NRDC: variants seen among roughly 807,000 people sequenced by gnomAD.
The protein encoded by NRDC is nardilysin.
Under a neutral mutation model 147.1 loss-of-function variants are expected in NRDC, and 54 were observed. The ratio of observed to expected loss-of-function variants is 0.37; its 90% CI spans 0.29 to 0.46. The LOEUF (loss-of-function observed/expected upper bound fraction) is 0.46. Among genes scored for constraint, NRDC ranks in the 20% least tolerant of loss-of-function variants. The pLI, the probability that NRDC is intolerant of heterozygous loss-of-function variation, is 1.00. For missense variants in NRDC, 1,082 were observed against 1,370.6 expected, an observed-to-expected ratio of 0.79 and a Z score of 3.33; for synonymous variants, 440 against 482.1, an observed-to-expected ratio of 0.91 and a Z score of 1.14.
intron 21 of NRDC, among the ~76,000 whole-genome samples, chr1:51,799,854 G>A (rs1679105428): frequency 6.6e-6 from 1 of 152,184 alleles, no homozygotes; most frequent in African/African-American, 2.4e-5. Context: ...GCTCTCTTCT[G>A]GAAGCTTGGC....
In NRDC at chr1:51,821,189, C is replaced by T. The variant is rs560169659; in HGVS notation, c.1217+309G>A. ...GATGTAAGTGTGCATATTCTTCTGC[C>T]TCTCATATAGTATTTTCTTTCGTAT... On this transcript the variant is annotated intron_variant, in intron 8 of 30. Coordinates refer to ENST00000352171, the MANE Select transcript of NRDC (RefSeq NM_001101662.2). 3.3e-5 allele frequency among the ~76,000 whole-genome samples: 5 copies of T among 152,098 alleles called. No homozygotes were observed. The East Asian group carries it at 9.6e-4, about 29-fold the overall frequency.
intron 2 of NRDC, chr1:51,837,682 T>C (rs2149220865): frequency 2.2e-6 from 3 of 1,342,684 alleles, no homozygotes; most frequent in Middle Eastern, 4.8e-4. Flanking sequence ...GAGAAATTCA[T>C]ACTTGAGAAC....
intron 4 of NRDC, among the ~76,000 whole-genome samples, chr1:51,831,754 T>C (rs933413613): frequency 4.0e-5 from 6 of 151,818 alleles, no homozygotes; most frequent in Non-Finnish European, 7.4e-5. Context: ...AATTTTTGTA[T>C]TTTTAGTAGA....
Position 51,814,093 on chromosome 1 carries a change from T to C in NRDC, c.1620-4A>G. The C allele has an allele frequency of 6.3e-7, 1 of 1,576,598 alleles. No homozygotes were observed. Among genetic ancestry groups the C allele is most frequent in the Non-Finnish European group, 8.7e-7 (1 of 1,146,276 alleles). ...TTTCCGAATCTCTTCAAAAATTCTG[T>C]GAAGGAGAAAACTATAATTAGAAGA... On this transcript the variant is annotated splice_region_variant and splice_polypyrimidine_tract_variant and intron_variant, in intron 13 of 30. Coordinates refer to ENST00000352171, the MANE Select transcript of NRDC (RefSeq NM_001101662.2).
chr1:51,809,263 G>T, intron 17 of NRDC, 52 bp downstream of exon 17: 1 of 1,073,194 alleles, frequency 9.3e-7, no homozygotes. Flanking sequence ...TGCTATACAG[G>T]TGCCTATTAG....
At chr1:51,817,947 C>T (rs1167139402) in intron 10 of NRDC, 119 bp downstream of exon 10, 2 of 695,258 alleles carry the variant, frequency 2.9e-6, no homozygotes, top group Non-Finnish European at 4.8e-6. Flanking sequence ...TAATCAAGTT[C>T]CAGGTTACCG....
chr1:51,819,852 A>G lies in NRDC; in HGVS notation c.1239T>C (p.Phe413=). 1 of 1,608,096 alleles carries G rather than the reference A, an allele frequency of 6.2e-7. No homozygotes were observed. Among genetic ancestry groups the G allele is most frequent in the South Asian group, 1.1e-5 (1 of 90,270 alleles). The stretch of plus-strand genomic sequence containing the variant: ...TGTCAAATGGATCCGTTAAATGGCC[A>G]AAGTTTGGTCTGGGTAACCCACTGA... ...IPNNGLPRPN[F]GHLTDPFDTP... Residue 413 remains phenylalanine, a synonymous_variant, in exon 9 of 31, where the codon TTT becomes TTC. Coordinates refer to ENST00000352171, the MANE Select transcript of NRDC (RefSeq NM_001101662.2).
rs1392698402 is a variant in NRDC, at chr1:51,819,709, C to G, written c.1291+91G>C. On this transcript the variant is annotated intron_variant, in intron 9 of 30. Coordinates refer to ENST00000352171, the MANE Select transcript of NRDC (RefSeq NM_001101662.2). The stretch of plus-strand genomic sequence containing the variant: ...ACCCAGCTGTATTTTCTGTTGTGTT[C>G]TCATTTTCAATGAAAATTGGCAGCT... 6.0e-6 allele frequency: 6 copies of G among 1,001,814 alleles called. No homozygotes were observed. The East Asian group carries it at 1.6e-4, about 26-fold the overall frequency. The allele number at this position is 1,001,814 out of a possible 1,614,324, so 62.1% of individuals were successfully genotyped here. A position where few individuals can be genotyped will look rare whatever the true frequency, so the allele number is the denominator to read the frequency against.
At chr1:51,870,313 A>G (rs373590293) in intron 1 of NRDC, among the ~76,000 whole-genome samples, 2 of 152,360 alleles carry the variant, frequency 1.3e-5, no homozygotes, top group African/African-American at 4.8e-5. Flanking sequence ...GACTAGTACC[A>G]TTTGTGTCAA....
intron 7 of NRDC, among the ~76,000 whole-genome samples, chr1:51,822,900 A>G (rs942763045): frequency 4.6e-5 from 7 of 152,242 alleles, no homozygotes; most frequent in African/African-American, 1.7e-4. Context: ...AATTTTGACA[A>G]TGTAAAAAGC....
In NRDC at chr1:51,833,978, T is replaced by C. The variant is rs1680831241; in HGVS notation, c.866+39A>G. 3 of 1,560,554 alleles carry C rather than the reference T, an allele frequency of 1.9e-6. No homozygotes were observed. The African/African-American group carries it at 4.1e-5, about 21-fold the overall frequency. Reference sequence around the variant, plus strand: ...CTCTATTTACATTTGCAAAGTGCCATTAGATCATTAAAATTAAAGTATATT... The same window carrying C: ...CTCTATTTACATTTGCAAAGTGCCACTAGATCATTAAAATTAAAGTATATT... On this transcript the variant is annotated intron_variant, in intron 4 of 30. Transcript: ENST00000352171.
intron 22 of NRDC, 45 bp from the exon 23 acceptor site, chr1:51,794,899 C>A: frequency 3.1e-6 from 5 of 1,609,470 alleles, no homozygotes; most frequent in South Asian, 1.1e-5. Context: ...TCTAGACATT[C>A]ATTTCACCCA....
intron 1 of NRDC, among the ~76,000 whole-genome samples, chr1:51,875,398 TA>T (rs916988202): frequency 6.6e-6 from 1 of 152,222 alleles, no homozygotes; most frequent in Non-Finnish European, 1.5e-5. Context: ...AAAAGCCATA[TA>T]AAGACAAAAA....
chr1:51,842,162 A>AC (rs1405717992), intron 1 of NRDC, among the ~76,000 whole-genome samples: 1 of 151,774 alleles, frequency 6.6e-6, no homozygotes, highest in Non-Finnish European at 1.5e-5. Context: ...GAAAAATGAG[A>AC]CCCTGTCCCA....
At chr1:51,839,253 T>C (rs978236581) in intron 2 of NRDC, among the ~76,000 whole-genome samples, 30 of 149,490 alleles carry the variant, frequency 2.0e-4, no homozygotes, top group African/African-American at 7.1e-4. Flanking sequence ...TTAACCTCCC[T>C]GGGCTCAGGT....
In NRDC at chr1:51,810,378, T is replaced by C. The variant is rs1305484948; in HGVS notation, c.1806A>G (p.Leu602=). The C allele has an allele frequency of 6.2e-7, 1 of 1,612,542 alleles. No homozygotes were observed. Among genetic ancestry groups the C allele is most frequent in the Admixed American group, 1.7e-5 (1 of 59,884 alleles). ...PEVIGEALNQ[L]VPQKANLVLL... Reference sequence around the variant, plus strand: ...AAACAAGATTTGCTTTTTGAGGAACTAGCTGATTCAAGGCTTCACCAATGA... The same window carrying C: ...AAACAAGATTTGCTTTTTGAGGAACCAGCTGATTCAAGGCTTCACCAATGA... Residue 602 remains leucine (L), a synonymous_variant, in exon 16 of 31, where the codon CTA becomes CTG. Transcript: ENST00000352171.
At chr1:51,789,679 G>C (rs1285347839) in intron 29 of NRDC, 22 bp from the exon 30 acceptor site, 10 of 1,546,660 alleles carry the variant, frequency 6.5e-6, no homozygotes, top group Non-Finnish European at 8.9e-6. Context: ...AGGGAAGATA[G>C]GAAAGAAATT....
At chr1:51,862,699 G>A (rs1214934796) in intron 1 of NRDC, among the ~76,000 whole-genome samples, 1 of 151,632 alleles carries the variant, frequency 6.6e-6, no homozygotes, top group Non-Finnish European at 1.5e-5. Flanking sequence ...CTCCAGCCTA[G>A]GGAACAGACT....
chr1:51,795,063 T>C, intron 22 of NRDC: 2 of 1,460,838 alleles, frequency 1.4e-6, no homozygotes, highest in Non-Finnish European at 9.1e-7. Context: ...TTAACTGTTC[T>C]GGCTCTCTTG....
Sources: gnomAD v4.1 joint callset for allele counts (sites outside exome capture counted in the v4.1 genomes callset) on GRCh38, gnomAD v4.1.1 for gene constraint, MANE v1.5 for transcripts, NCBI Gene and HGNC (gene_info 2026-07-23, HGNC 2026-07-21) for gene names.